The following KLC4 variants were observed in gnomAD, a reference collection of about 807,000 sequenced individuals.
KLC4 encodes the protein kinesin light chain 4, also known as kinesin-like protein 8.
Under a neutral mutation model 77.2 loss-of-function variants are expected in KLC4, and 49 were observed. That is an observed-to-expected ratio of 0.63 (90% CI 0.50 to 0.80). The LOEUF (loss-of-function observed/expected upper bound fraction) is 0.80, where lower values mean the gene tolerates loss of function less well. Among genes scored for constraint, KLC4 ranks in the 30% least tolerant of loss-of-function variants. The probability of loss-of-function intolerance (pLI) is 0.00; values close to 1 mark genes in which losing one functional copy is unlikely to be tolerated. For synonymous variants in KLC4, 274 were observed against 314.5 expected (o/e 0.87, Z 1.36); for missense variants, 669 against 793.5 (o/e 0.84, Z 1.89).
intron 14 of KLC4, 121 bp from the exon 15 acceptor site, chr6:43,073,781 C>A: frequency 1.2e-6 from 1 of 819,752 alleles, no homozygotes; most frequent in Non-Finnish European, 2.1e-6. Context: ...AACGGGCCAG[C>A]CATGGAGAGA....
chr6:43,065,825 GGGCAGGGGC>G, intron 4 of KLC4, 124 bp downstream of exon 4: 1 of 675,700 alleles, frequency 1.5e-6, no homozygotes, highest in Non-Finnish European at 2.6e-6. Flanking sequence ...TCTGGAGACA[GGGCAGGGGC>G]TGGGCTAGTA....
At chr6:43,073,647 CA>C (rs1159219168) in intron 14 of KLC4, 11,526 of 311,122 alleles carry the variant, frequency 0.037, no homozygotes, top group South Asian at 0.054. Context: ...GACTCCGTCT[CA>C]AAAAAAAAAA....
intron 2 of KLC4, chr6:43,062,645 A>G (rs1561911471): frequency 1.2e-5 from 6 of 502,298 alleles, no homozygotes; most frequent in Non-Finnish European, 1.8e-5. Flanking sequence ...ACAAATAGAC[A>G]ATAGGGGAAC....
intron 3 of KLC4, among the ~76,000 whole-genome samples, chr6:43,063,456 C>T (rs1765264535): frequency 6.6e-6 from 1 of 152,194 alleles, no homozygotes; most frequent in Non-Finnish European, 1.5e-5. Flanking sequence ...TAGATAAGCA[C>T]CTGGACAATT....
In KLC4 at chr6:43,060,671, G is replaced by T. The variant is rs531414149; in HGVS notation, c.-25-640G>T. 8 of 1,052,462 alleles carry T rather than the reference G, an allele frequency of 7.6e-6. No homozygotes were observed. The Admixed American group carries it at 3.4e-4, about 45-fold the overall frequency. 65.2% of individuals were successfully genotyped at this position (1,052,462 alleles called of 1,614,324 possible). ...GAAGTGGGAACACAGTCTGAGTCCT[G>T]GGGGGTGGGAAGTATGGGTTGAAGG... On this transcript the variant is annotated intron_variant, in intron 1 of 15. Coordinates refer to ENST00000347162, the MANE Select transcript of KLC4 (RefSeq NM_201521.3).
intron 8 of KLC4, 62 bp downstream of exon 8, chr6:43,070,927 G>T (rs1369916662): frequency 2.4e-6 from 1 of 413,656 alleles, no homozygotes; most frequent in Non-Finnish European, 4.0e-6. Flanking sequence ...GGTGGGGGGA[G>T]GGGGGGCAGG....
chr6:43,063,678 T>G (rs4711739), intron 3 of KLC4, among the ~76,000 whole-genome samples: 1 of 151,778 alleles, frequency 6.6e-6, no homozygotes, highest in Non-Finnish European at 1.5e-5. Context: ...CTCAGCCTCT[T>G]GAGTAGCTAG....
intron 8 of KLC4, 27 bp from the exon 9 acceptor site, chr6:43,071,248 C>T (rs1765707078): frequency 7.3e-7 from 1 of 1,365,278 alleles, no homozygotes; most frequent in Non-Finnish European, 1.0e-6. Flanking sequence ...TGTTTTGTTC[C>T]TGTATTTTTG....
Position 43,062,733 on chromosome 6 carries a change from C to T in KLC4, c.259-184C>T. On this transcript the variant is annotated intron_variant, in intron 2 of 15. Transcript: ENST00000347162. The stretch of plus-strand genomic sequence containing the variant: ...TTGATAGTGGCTTGGTCCAGGGTGA[C>T]AGCAGTGGAGGTAGTGGGAAATTGG... 8.3e-6 allele frequency: 5 copies of T among 600,246 alleles called. No individual in the cohort carries two copies. In the South Asian group the frequency reaches 9.9e-5, roughly 12 times the overall value. 37.2% of individuals were successfully genotyped at this position (600,246 alleles called of 1,614,324 possible). A position where few individuals can be genotyped will look rare whatever the true frequency, so the allele number is the denominator to read the frequency against.
In KLC4 at chr6:43,063,153, T is replaced by C. The variant is rs375340457; in HGVS notation, c.489+6T>C. 6 of 1,606,460 alleles carry C rather than the reference T, an allele frequency of 3.7e-6. No individual in the cohort carries two copies. The African/African-American group carries it at 5.4e-5, about 14-fold the overall frequency. On this transcript the variant is annotated splice_donor_region_variant and intron_variant, in intron 3 of 15. Transcript: ENST00000347162. ...ATGAGGATGGACATACCTCGGTGAGTGTGCACAGGCGAGACTGGCTGAGGG... is the reference window on the plus strand; with the variant it reads ...ATGAGGATGGACATACCTCGGTGAGCGTGCACAGGCGAGACTGGCTGAGGG...
chr6:43,061,659 T>C (rs547534816), intron 2 of KLC4, 66 bp downstream of exon 2: 1 of 1,493,756 alleles, frequency 6.7e-7, no homozygotes, highest in African/African-American at 1.4e-5. Flanking sequence ...TGATTAAAGG[T>C]TTGGGGCTGC....
At chr6:43,067,424 T>G (rs562718554) in intron 6 of KLC4, 30 of 323,692 alleles carry the variant, frequency 9.3e-5, no homozygotes, top group Non-Finnish European at 1.1e-4. Context: ...ATATATACAA[T>G]GTAATATAAT....
intron 4 of KLC4, 75 bp downstream of exon 4, chr6:43,065,776 A>G: frequency 1.0e-6 from 1 of 969,710 alleles, no homozygotes; most frequent in Non-Finnish European, 1.6e-6. Context: ...CACCCTGTAC[A>G]CAGGACAGTC....
intron 11 of KLC4, 88 bp from the exon 12 acceptor site, chr6:43,072,059 T>G: frequency 7.0e-7 from 1 of 1,423,404 alleles, no homozygotes; most frequent in Non-Finnish European, 9.9e-7. Flanking sequence ...ATTTTCTTAT[T>G]TTTTTTCCTC....
chr6:43,060,536 C>G, intron 1 of KLC4: 1 of 1,278,148 alleles, frequency 7.8e-7, no homozygotes, highest in Non-Finnish European at 1.0e-6. Flanking sequence ...CTCTGACTCT[C>G]TGGCTGCAGA....
At chr6:43,070,261 G>A in intron 6 of KLC4, 93 bp from the exon 7 acceptor site, 1 of 788,630 alleles carries the variant, frequency 1.3e-6, no homozygotes, top group South Asian at 1.5e-5. Context: ...GTTGTGCAGT[G>A]AGTGTTGGGC....
rs986812370 is a variant in KLC4, at chr6:43,061,558, A to G, written c.223A>G (p.Met75Val). ...GAAGGCCCGGCAGCTTCGCCGTTCT[A>G]TGGAAAACATTGAGCTCGGGCTGAG... is the stretch of plus-strand genomic sequence containing the variant. The part of the protein sequence containing the change: ...HEKARQLRRS[M>V]ENIELGLSEA... The change falls in exon 2 of 16, where the codon ATG becomes GTG. Residue 75 changes from methionine (M) to valine (V), a missense_variant. Physicochemically the swap from Met to Val is conservative, Grantham distance 21. Coordinates refer to ENST00000347162, the MANE Select transcript of KLC4 (RefSeq NM_201521.3). 2 of 1,613,240 alleles carry G rather than the reference A, an allele frequency of 1.2e-6. No homozygotes were observed. Among genetic ancestry groups the G allele is most frequent in the East Asian group, 2.2e-5 (1 of 44,864 alleles).
At chr6:43,071,217 A>AG in intron 8 of KLC4, 58 bp from the exon 9 acceptor site, 1 of 1,053,744 alleles carries the variant, frequency 9.5e-7, no homozygotes, top group East Asian at 2.5e-5. Context: ...AAAAAAAAAA[A>AG]AAAGACCTTG....
rs770887637 is a variant in KLC4, at chr6:43,074,671, G to T, written c.1859G>T (p.Ter620LeuextTer73). 6.2e-7 allele frequency: 1 copy of T among 1,613,934 alleles called. No individual in the cohort carries two copies. Among genetic ancestry groups the T allele is most frequent in the Non-Finnish European group, 8.5e-7 (1 of 1,179,932 alleles). Residue 620 changes from the stop codon to leucine, a stop_lost, in exon 16 of 16, where the codon TGA (stop) becomes TTA (leucine). Transcript: ENST00000347162. ...ASTMDLSSSS[*>L] ...ACCATGGACCTCTCTTCAAGCAGCT[G>T]ACATTCAACCCGGCCCCCAGGTCTG...
Sources: gnomAD v4.1 joint callset for allele counts (sites outside exome capture counted in the v4.1 genomes callset) on GRCh38, gnomAD v4.1.1 for gene constraint, MANE v1.5 for transcripts, NCBI Gene and HGNC (gene_info 2026-07-23, HGNC 2026-07-21) for gene names.